The following PCDHGB7 variants were observed in gnomAD, a reference collection of about 807,000 sequenced individuals.
PCDHGB7 encodes protocadherin gamma subfamily B, 7.
A neutral mutation model predicts 61.4 loss-of-function variants in PCDHGB7; 37 were observed. The ratio of observed to expected loss-of-function variants is 0.60; its 90% CI spans 0.46 to 0.79. PCDHGB7 has a LOEUF of 0.79. Among genes scored for constraint, PCDHGB7 ranks in the 30% least tolerant of loss-of-function variants. The pLI is 0.00. For missense variants in PCDHGB7, 1,166 were observed against 1,202.5 expected, an observed-to-expected ratio of 0.97 and a Z score of 0.45; for synonymous variants, 464 against 503.5, an observed-to-expected ratio of 0.92 and a Z score of 1.05.
intron 1 of PCDHGB7, among the ~76,000 whole-genome samples, chr5:141,482,329 T>C (rs1334833454): frequency 6.6e-6 from 1 of 152,160 alleles, no homozygotes; most frequent in Non-Finnish European, 1.5e-5. Context: ...ATAAAGAGAA[T>C]ATCTACTTTG....
rs1280755615 is a variant in PCDHGB7 at position 141,431,629 on chromosome 5, A to C, written c.2415+11355A>C. On this transcript the variant is annotated intron_variant, in intron 1 of 3. Transcript: ENST00000398594. This position sits in a 1 kb window ranked among gnomAD's most constrained non-coding sequence, Gnocchi z 4.8. ...GGTATGTGGACGACAAGGCGGCCCA[A>C]GTTTTCAAACTAGATTGTAATTCAG... 6.2e-7 allele frequency: 1 copy of C among 1,614,246 alleles called. No individual in the cohort carries two copies. Among genetic ancestry groups the C allele is most frequent in the South Asian group, 1.1e-5 (1 of 91,090 alleles).
At position 141,494,730 on chromosome 5, in the gene PCDHGB7, G is replaced by A. The variant is rs1595262506; in HGVS notation, c.2416-77G>A. 18 of 1,609,816 alleles carry A rather than the reference G, an allele frequency of 1.1e-5. No individual in the cohort carries two copies. In the East Asian group the frequency reaches 4.0e-4, roughly 36 times the overall value. On this transcript the variant is annotated intron_variant, in intron 1 of 3. Coordinates refer to ENST00000398594, the MANE Select transcript of PCDHGB7 (RefSeq NM_018927.4). ...GTGCCCACTCCCCTCCTTCTCTCCC[G>A]GCCCATCCCTAGGGGCTCGGGTGAC...
At chr5:141,469,721 A>G (rs1238006043) in intron 1 of PCDHGB7, among the ~76,000 whole-genome samples, 5 of 152,270 alleles carry the variant, frequency 3.3e-5, no homozygotes, top group African/African-American at 1.2e-4. Context: ...TTAGGAATTT[A>G]TCATAAATAC....
At chr5:141,467,097 G>A (rs912875702) in intron 1 of PCDHGB7, among the ~76,000 whole-genome samples, 1 of 150,152 alleles carries the variant, frequency 6.7e-6, no homozygotes, top group Non-Finnish European at 1.5e-5. Context: ...CTGTCACACA[G>A]GCTGGAGTAC....
At chr5:141,510,402 G>A (rs2099880998) in intron 3 of PCDHGB7, among the ~76,000 whole-genome samples, 1 of 152,008 alleles carries the variant, frequency 6.6e-6, no homozygotes, top group African/African-American at 2.4e-5. Flanking sequence ...GCAAAGGCTA[G>A]GGGCATGTAA....
chr5:141,429,048 G>A (rs2097180589), intron 1 of PCDHGB7: 5 of 152,064 alleles, frequency 3.3e-5, no homozygotes, highest in Admixed American at 3.3e-4. Context: ...TACAGACGGG[G>A]TTTCACCGTG....
At chr5:141,465,742 A>G (rs1425097489) in intron 1 of PCDHGB7, among the ~76,000 whole-genome samples, 1 of 151,214 alleles carries the variant, frequency 6.6e-6, no homozygotes, top group Non-Finnish European at 1.5e-5. Flanking sequence ...TGTTTTCAGG[A>G]TCAGACTGGT....
At chr5:141,430,217 T>C (rs1055487905) in intron 1 of PCDHGB7, among the ~76,000 whole-genome samples, 1 of 150,102 alleles carries the variant, frequency 6.7e-6, no homozygotes, top group Non-Finnish European at 1.5e-5. Context: ...TATTATATTA[T>C]ATGATTTGTC....
intron 1 of PCDHGB7, among the ~76,000 whole-genome samples, chr5:141,449,636 TA>T (rs1448731592): frequency 7.3e-5 from 11 of 150,610 alleles, no homozygotes; most frequent in Non-Finnish European, 1.2e-4. Flanking sequence ...AAGATGTATC[TA>T]TATATACATA....
At chr5:141,428,255 G>C in intron 1 of PCDHGB7, 1 of 875,580 alleles carries the variant, frequency 1.1e-6, no homozygotes, top group Non-Finnish European at 1.8e-6. Flanking sequence ...CCAGACTTCA[G>C]TGACAGTCCT....
intron 1 of PCDHGB7, among the ~76,000 whole-genome samples, chr5:141,465,396 C>A (rs2099102528): frequency 6.6e-6 from 1 of 152,054 alleles, no homozygotes; most frequent in Admixed American, 6.6e-5. Context: ...AAAAACAAGT[C>A]AGAAGAAGCC....
At chr5:141,467,906 A>T (rs917983299) in intron 1 of PCDHGB7, among the ~76,000 whole-genome samples, 5 of 152,002 alleles carry the variant, frequency 3.3e-5, no homozygotes, top group African/African-American at 9.7e-5. Flanking sequence ...AAATCCGCCC[A>T]CCTCAGCCTC....
In PCDHGB7 at chr5:141,418,905, T is replaced by C. The variant is rs144920415; in HGVS notation, c.1046T>C (p.Ile349Thr). The C allele has an allele frequency of 5.0e-6, 8 of 1,613,944 alleles. No homozygotes were observed. The East Asian group carries it at 1.8e-4, about 36-fold the overall frequency. ...DENDNSPEII[I>T]TSLSDQIMED... ...AACGACAACAGCCCAGAAATAATCA[T>C]CACGTCACTCTCTGATCAGATTATG... The change falls in exon 1 of 4, where the codon ATC (isoleucine) becomes ACC (threonine). Residue 349 changes from isoleucine (I) to threonine (T), a missense_variant. Physicochemically the swap from Ile to Thr is moderately conservative, Grantham distance 89. Coordinates refer to ENST00000398594, the MANE Select transcript of PCDHGB7 (RefSeq NM_018927.4).
intron 1 of PCDHGB7, among the ~76,000 whole-genome samples, chr5:141,451,579 A>T (rs1222576609): frequency 6.6e-6 from 1 of 152,084 alleles, no homozygotes; most frequent in African/African-American, 2.4e-5. Flanking sequence ...TTATAAACCT[A>T]ATTTTGAAAG....
rs1324501154 is a variant in PCDHGB7, at chr5:141,417,942, C to A, written c.83C>A (p.Thr28Lys). 19 of 1,613,208 alleles carry A rather than the reference C, an allele frequency of 1.2e-5. No homozygotes were observed. Among genetic ancestry groups the A allele is most frequent in the Non-Finnish European group, 1.5e-5 (18 of 1,179,424 alleles). ...FPLLLPLFYPTLCEPIRYSIP... is the reference protein window; with the variant it reads ...FPLLLPLFYPKLCEPIRYSIP... ...TTGCTGCTGCCTTTGTTCTACCCCACGCTGTGTGAGCCGATCCGCTACTCG... is the reference window on the plus strand; with the variant it reads ...TTGCTGCTGCCTTTGTTCTACCCCAAGCTGTGTGAGCCGATCCGCTACTCG... Residue 28 changes from threonine to lysine, a missense_variant, in exon 1 of 4, where the codon ACG becomes AAG. Thr to Lys is a moderately conservative substitution (Grantham distance 78). Transcript: ENST00000398594.
At chr5:141,426,521 C>T (rs184198267) in intron 1 of PCDHGB7, 14 of 341,908 alleles carry the variant, frequency 4.1e-5, no homozygotes, top group Admixed American at 7.6e-5. Flanking sequence ...ACCGTGAACA[C>T]GGAGAATGGG....
At chr5:141,422,041 G>T in intron 1 of PCDHGB7, 3 of 1,611,632 alleles carry the variant, frequency 1.9e-6, no homozygotes, top group South Asian at 1.1e-5. Context: ...GGATCCAGAC[G>T]AGGGAATCAA....
chr5:141,428,358 G>T, intron 1 of PCDHGB7: 1 of 565,492 alleles, frequency 1.8e-6, no homozygotes, highest in Non-Finnish European at 3.2e-6. Flanking sequence ...TGATTTTGGC[G>T]GTCGCCTTGC....
chr5:141,417,980 C>A lies in PCDHGB7; in HGVS notation c.121C>A (p.Leu41Met), dbSNP rs905203424. Residue 41 changes from leucine to methionine, a missense_variant, in exon 1 of 4, where the codon CTG becomes ATG. By Grantham distance (15) the Leu-to-Met change is conservative (BLOSUM62 2). Transcript: ENST00000398594. ...GATCCGCTACTCGATTCCGGAGGAG[C>A]TGGCCAAGGGCTCGGTGGTGGGGAA... is the stretch of plus-strand genomic sequence containing the variant. The part of the protein sequence containing the change: ...EPIRYSIPEE[L>M]AKGSVVGNLA... 4.3e-6 allele frequency: 7 copies of A among 1,613,856 alleles called. No homozygotes were observed. The Admixed American group carries it at 1.0e-4, about 23-fold the overall frequency.
Sources: allele counts gnomAD v4.1 joint callset (sites outside exome capture counted in the v4.1 genomes callset), GRCh38; gene constraint gnomAD v4.1.1; non-coding constraint Gnocchi (gnomAD v3.1); transcripts MANE v1.5; gene names NCBI Gene and HGNC (gene_info 2026-07-23, HGNC 2026-07-21).